ASMTL: variants seen among roughly 807,000 people sequenced by gnomAD.
ASMTL encodes probable bifunctional dTTP/UTP pyrophosphatase/methyltransferase protein.
ASMTL carries 57 observed loss-of-function variants against 60.3 expected under a neutral mutation model. The ratio of observed to expected loss-of-function variants is 0.95; its 90% CI spans 0.76 to 1.18. The LOEUF is 1.18. Ranked by LOEUF, ASMTL falls within the 50% of genes most tolerant of loss-of-function variation. ASMTL has a pLI of 0.00. For synonymous variants in ASMTL, 419 were observed against 373.0 expected, an observed-to-expected ratio of 1.12 and a Z score of -1.42; for missense variants, 981 against 852.6, an observed-to-expected ratio of 1.15 and a Z score of -1.88.
chrX:1,452,044 C>T (rs1456917770), intron 1 of ASMTL, among the ~76,000 whole-genome samples: 1 of 146,242 alleles, frequency 6.8e-6, no homozygotes, highest in Admixed American at 6.7e-5. Context: ...TAAGGTGTCC[C>T]GGGTTTCTCT....
chrX:1,428,158 G>A, intron 6 of ASMTL, 37 bp from the exon 7 acceptor site: 3 of 1,569,072 alleles, frequency 1.9e-6, no homozygotes, highest in Non-Finnish European at 2.6e-6. Flanking sequence ...TGACAAGGAG[G>A]AGAAAAGTTC....
At chrX:1,437,039 T>C (rs1202285164) in intron 3 of ASMTL, among the ~76,000 whole-genome samples, 2 of 151,422 alleles carry the variant, frequency 1.3e-5, no homozygotes, top group African/African-American at 4.9e-5. Context: ...CACAGACTCG[T>C]CCCTCTGTAT....
At chrX:1,438,195 A>G (rs1334711690) in intron 3 of ASMTL, among the ~76,000 whole-genome samples, 1 of 151,946 alleles carries the variant, frequency 6.6e-6, no homozygotes, top group Non-Finnish European at 1.5e-5. Context: ...AGGCAGGAGA[A>G]TCGCTTGAAC....
chrX:1,441,905 A>G (rs1161978269), intron 2 of ASMTL: 1 of 423,258 alleles, frequency 2.4e-6, no homozygotes, highest in Non-Finnish European at 4.2e-6. Flanking sequence ...ACATAGTAAC[A>G]GATAAGCTAC....
chrX:1,416,301 G>A (rs183871380), intron 11 of ASMTL, among the ~76,000 whole-genome samples: 172 of 108,194 alleles, frequency 1.6e-3, no homozygotes, highest in Admixed American at 2.3e-3. Context: ...GCACACAGAC[G>A]CAGACATGCA....
chrX:1,452,669 G>C, intron 1 of ASMTL, 79 bp downstream of exon 1: 1 of 1,210,902 alleles, frequency 8.3e-7, no homozygotes, highest in Non-Finnish European at 1.2e-6. Flanking sequence ...CCTATCCCTA[G>C]AGTTCCTGAG....
chrX:1,432,752 C>A (rs1388740362), intron 5 of ASMTL, among the ~76,000 whole-genome samples: 1 of 152,056 alleles, frequency 6.6e-6, no homozygotes, highest in East Asian at 1.9e-4. Flanking sequence ...TCGCTTGAAC[C>A]CGGGAGGTGC....
chrX:1,403,219 A>G lies in ASMTL; in HGVS notation c.*50T>C. On this transcript the variant is annotated 3_prime_UTR_variant, in exon 13 of 13. Coordinates refer to ENST00000381317, the MANE Select transcript of ASMTL (RefSeq NM_004192.4). ...ATGGTACTTGGGGACCGGGCGGTCC[A>G]CCTGCAGCCTGGGGGAGGACATCCC... 1 of 1,530,298 alleles carries G rather than the reference A, an allele frequency of 6.5e-7. No individual in the cohort carries two copies. Among genetic ancestry groups the G allele is most frequent in the South Asian group, 1.1e-5 (1 of 89,052 alleles). 94.8% of individuals were successfully genotyped at this position (1,530,298 alleles called of 1,614,324 possible).
intron 11 of ASMTL, among the ~76,000 whole-genome samples, chrX:1,417,548 C>T (rs1382413035): frequency 7.4e-6 from 1 of 134,314 alleles, no homozygotes; most frequent in East Asian, 2.3e-4. Context: ...TGCACACAGA[C>T]ACACAAGCAC....
intron 9 of ASMTL, among the ~76,000 whole-genome samples, chrX:1,420,806 A>G (rs111885068): frequency 0.021 from 3,173 of 152,106 alleles, 114 homozygotes; most frequent in African/African-American, 0.073. Context: ...TCCTATTTCT[A>G]TTTTTCAGAC....
intron 11 of ASMTL, among the ~76,000 whole-genome samples, chrX:1,416,218 CACAG>C (rs1263844302): frequency 3.3e-5 from 5 of 151,382 alleles, no homozygotes; most frequent in Non-Finnish European, 7.4e-5. Context: ...AACAGGCACA[CACAG>C]ACGCAGACAT....
intron 12 of ASMTL, 95 bp downstream of exon 12, chrX:1,412,637 A>C (rs774183833): frequency 6.5e-7 from 1 of 1,549,692 alleles, no homozygotes; most frequent in Admixed American, 1.7e-5. Context: ...CGCTGGGATG[A>C]CAGGCGTGAG....
intron 11 of ASMTL, 108 bp from the exon 12 acceptor site, chrX:1,412,962 G>T: frequency 7.9e-7 from 1 of 1,272,162 alleles, no homozygotes; most frequent in Non-Finnish European, 1.1e-6. Context: ...ACAGAGAAGA[G>T]AGGGGTGTGG....
intron 11 of ASMTL, chrX:1,413,055 G>GTGC: frequency 1.6e-6 from 1 of 617,142 alleles, no homozygotes; most frequent in Middle Eastern, 4.4e-4. Flanking sequence ...TGTCACGCCC[G>GTGC]TGCGGTTTGA....
chrX:1,426,867 A>T (rs1431054916), intron 7 of ASMTL, among the ~76,000 whole-genome samples: 1 of 151,874 alleles, frequency 6.6e-6, no homozygotes, highest in African/African-American at 2.4e-5. Context: ...TTTCAGGAGG[A>T]CCACAGTTAG....
Position 1,421,830 on chromosome X carries a change from G to A in ASMTL, c.1073C>T (p.Thr358Ile), listed in dbSNP as rs1156831835. Residue 358 changes from threonine (T) to isoleucine (I), a missense_variant, in exon 9 of 13, where the codon ACA (threonine) becomes ATA (isoleucine). Transcript: ENST00000381317. ...LEKTEQGYSN[T>I]ETANVYLASD... is the part of the protein sequence containing the mutation. ...TGCCAGGTAGACGTTCGCTGTCTCT[G>A]TGTTACTGTAACCTGGAGAAATGGG... 6.2e-7 allele frequency: 1 copy of A among 1,613,736 alleles called. No homozygotes were observed. Among genetic ancestry groups the A allele is most frequent in the African/African-American group, 1.3e-5 (1 of 74,876 alleles).
chrX:1,410,871 C>G lies in ASMTL; in HGVS notation c.1645+1861G>C, dbSNP rs1335830953. On this transcript the variant is annotated intron_variant, in intron 12 of 12. Coordinates refer to ENST00000381317, the MANE Select transcript of ASMTL (RefSeq NM_004192.4). ...CTCCACTGCACACCAGCCTGGGCAG[C>G]AGAGTGAGACCTCGTCTCAAAAAAT... Among the ~76,000 whole-genome samples the G allele has an allele frequency of 8.8e-4, 133 of 151,802 alleles. 3 individuals carry two copies. Among genetic ancestry groups the G allele is most frequent in the Admixed American group, 8.7e-3 (132 of 15,228 alleles).
In ASMTL at chrX:1,435,363, C is replaced by T. The variant is rs373651767; in HGVS notation, c.339-280G>A. On this transcript the variant is annotated intron_variant, in intron 4 of 12. Transcript: ENST00000381317. The stretch of plus-strand genomic sequence containing the variant: ...GCGGGCAGGGGGTGCATCTCTTCCA[C>T]GTCCTGGGATGGGGATGACGTCCCA... 8.1e-4 allele frequency: 493 copies of T among 607,040 alleles called. 1 individual carries two copies. Among genetic ancestry groups the T allele is most frequent in the African/African-American group, 7.2e-3 (387 of 54,084 alleles). The allele number at this position is 607,040 out of a possible 1,614,324, so 37.6% of individuals were successfully genotyped here.
chrX:1,408,228 T>C (rs373953064), intron 12 of ASMTL, among the ~76,000 whole-genome samples: 442 of 36,518 alleles, frequency 0.012, 15 homozygotes, highest in African/African-American at 0.023. Flanking sequence ...ATCGCTTGAG[T>C]GCAGGAGGTC....
Sources: gnomAD v4.1 joint callset for allele counts (sites outside exome capture counted in the v4.1 genomes callset) on GRCh38, gnomAD v4.1.1 for gene constraint, MANE v1.5 for transcripts, NCBI Gene and HGNC (gene_info 2026-07-23, HGNC 2026-07-21) for gene names.